Variants in PLCB1 observed in about 807,000 individuals in gnomAD.
PLCB1 encodes 1-phosphatidylinositol 4,5-bisphosphate phosphodiesterase beta-1.
Under a neutral mutation model 161.8 loss-of-function variants are expected in PLCB1, and 46 were observed. The ratio of observed to expected loss-of-function variants is 0.28; its 90% CI spans 0.22 to 0.36. The LOEUF (loss-of-function observed/expected upper bound fraction) is 0.36. Among genes scored for constraint, PLCB1 ranks in the 10% least tolerant of loss-of-function variants. PLCB1 has a pLI of 1.00. For missense variants in PLCB1, 1,016 were observed against 1,472.5 expected (o/e 0.69, Z 5.07); for synonymous variants, 517 against 503.7 (o/e 1.03, Z -0.35).
Position 8,229,538 on chromosome 20 carries a change from A to G in PLCB1, c.177+79167A>G, listed in dbSNP as rs576097272. On this transcript the variant is annotated intron_variant, in intron 2 of 31. Transcript: ENST00000338037. ...AATTCATTAAAAATTCAATTCCTCC[A>G]TTGCATTAGCCACATTTCAGGTATT... Among the ~76,000 whole-genome samples, 242 of 152,250 alleles carry G rather than the reference A, an allele frequency of 1.6e-3. 4 individuals are homozygous for G. Among genetic ancestry groups the G allele is most frequent in the African/African-American group, 5.5e-3 (230 of 41,560 alleles).
intron 2 of PLCB1, among the ~76,000 whole-genome samples, chr20:8,305,285 G>T (rs1443656171): frequency 1.3e-5 from 2 of 152,182 alleles, no homozygotes; most frequent in African/African-American, 2.4e-5. Flanking sequence ...CAAGCAAAAT[G>T]CATTGCTGCT....
At chr20:8,331,807 G>C (rs1023583627) in intron 2 of PLCB1, among the ~76,000 whole-genome samples, 2 of 152,182 alleles carry the variant, frequency 1.3e-5, no homozygotes, top group African/African-American at 4.8e-5. Flanking sequence ...CTTACTAACA[G>C]GTATTCTGTG....
intron 2 of PLCB1, among the ~76,000 whole-genome samples, chr20:8,203,901 T>C (rs1019166723): frequency 1.3e-5 from 2 of 152,142 alleles, no homozygotes; most frequent in African/African-American, 4.8e-5. Flanking sequence ...CAGTTGCCCA[T>C]AGTGAAGGAC....
At chr20:8,368,528 C>CAAAAAAA (rs1216338206) in intron 2 of PLCB1, among the ~76,000 whole-genome samples, 95 of 63,406 alleles carry the variant, frequency 1.5e-3, no homozygotes, top group African/African-American at 1.9e-3. Flanking sequence ...CTCTGTCTCT[C>CAAAAAAA]AAAAAAAAAA....
chr20:8,553,801 G>A (rs1400994787), intron 3 of PLCB1, among the ~76,000 whole-genome samples: 1 of 152,128 alleles, frequency 6.6e-6, no homozygotes, highest in Non-Finnish European at 1.5e-5. Context: ...AGGGGTTCAA[G>A]ACCATCCTAG....
At chr20:8,614,236 G>A (rs1031677625) in intron 3 of PLCB1, among the ~76,000 whole-genome samples, 3 of 152,012 alleles carry the variant, frequency 2.0e-5, no homozygotes, top group Non-Finnish European at 2.9e-5. Context: ...GATCTCACAT[G>A]CTGTAGGTAC....
In PLCB1 at chr20:8,258,786, G is replaced by GT. The variant is rs950454114; in HGVS notation, c.177+108424dup. Among the ~76,000 whole-genome samples the GT allele has an allele frequency of 2.1e-3, 321 of 150,992 alleles. 4 individuals are homozygous for GT. The highest frequency in any genetic ancestry group is 6.8e-3 in the Middle Eastern group (2 of 294). On this transcript the variant is annotated intron_variant, in intron 2 of 31. Coordinates refer to ENST00000338037, the MANE Select transcript of PLCB1 (RefSeq NM_015192.4). ...ATATGCACATTGTTAAGCCATGTGG[G>GT]TTTTTTTTTCTGTTTTTAAAATTTA...
chr20:8,763,522 A>G (rs963187972), intron 25 of PLCB1, among the ~76,000 whole-genome samples: 1 of 152,146 alleles, frequency 6.6e-6, no homozygotes, highest in Non-Finnish European at 1.5e-5. Context: ...AGCAGCTGGG[A>G]TTATAGGCAT....
At chr20:8,292,400 T>A (rs1296544401) in intron 2 of PLCB1, among the ~76,000 whole-genome samples, 7 of 152,094 alleles carry the variant, frequency 4.6e-5, no homozygotes, top group Non-Finnish European at 1.0e-4. Context: ...AAGAAAAGGG[T>A]CTCAAGAAGT....
chr20:8,251,672 C>T (rs1259994462), intron 2 of PLCB1, among the ~76,000 whole-genome samples: 2 of 151,864 alleles, frequency 1.3e-5, no homozygotes, highest in Non-Finnish European at 2.9e-5. Flanking sequence ...GGGCATGTGC[C>T]CCTTTTAGGA....
chr20:8,216,867 C>T (rs1355694004), intron 2 of PLCB1, among the ~76,000 whole-genome samples: 1 of 152,184 alleles, frequency 6.6e-6, no homozygotes, highest in Non-Finnish European at 1.5e-5. Context: ...CATTCAGAAC[C>T]CTGGGCAAAC....
chr20:8,349,780 T>C (rs1986121029), intron 2 of PLCB1, among the ~76,000 whole-genome samples: 1 of 152,002 alleles, frequency 6.6e-6, no homozygotes, highest in African/African-American at 2.4e-5. Flanking sequence ...TAAGACTAGG[T>C]AGAAGATCAA....
chr20:8,760,534 A>C, intron 25 of PLCB1, 74 bp downstream of exon 25: 2 of 993,888 alleles, frequency 2.0e-6, no homozygotes, highest in Non-Finnish European at 1.5e-6. Flanking sequence ...GAGGAGAGGA[A>C]ATTTCCATTC....
chr20:8,449,925 G>C (rs1457957448), intron 3 of PLCB1, among the ~76,000 whole-genome samples: 1 of 152,116 alleles, frequency 6.6e-6, no homozygotes, highest in Non-Finnish European at 1.5e-5. Flanking sequence ...CATACCATGG[G>C]GTTGATGGTC....
At chr20:8,254,271 C>T (rs186705565) in intron 2 of PLCB1, among the ~76,000 whole-genome samples, 263 of 152,020 alleles carry the variant, frequency 1.7e-3, no homozygotes, top group Admixed American at 2.8e-3. Context: ...TGAGGTGCTG[C>T]AAACCTCTTT....
chr20:8,755,961 G>T (rs1190783826), intron 23 of PLCB1, among the ~76,000 whole-genome samples: 1 of 152,224 alleles, frequency 6.6e-6, no homozygotes, highest in Non-Finnish European at 1.5e-5. Context: ...TTTGTGTAAA[G>T]TTGCTATGGC....
rs1250955575 is a variant in PLCB1 at position 8,492,648 on chromosome 20, T to A, written c.246+121198T>A. Among the ~76,000 whole-genome samples the A allele has an allele frequency of 2.6e-5, 4 of 152,094 alleles. No individual in the cohort carries two copies. The South Asian group carries it at 8.3e-4, about 32-fold the overall frequency. The stretch of plus-strand genomic sequence containing the variant: ...ATGGTGGGGTTGGGGCTGGTGGAAA[T>A]GATGCCTTTCTTCTGTGCCTAAGTG... On this transcript the variant is annotated intron_variant, in intron 3 of 31. Coordinates refer to ENST00000338037, the MANE Select transcript of PLCB1 (RefSeq NM_015192.4).
At position 8,274,039 on chromosome 20, in the gene PLCB1, G is replaced by A. The variant is rs73609722; in HGVS notation, c.178-97343G>A. 2.2e-3 allele frequency among the ~76,000 whole-genome samples: 330 copies of A among 152,262 alleles called. 3 individuals carry two copies. The highest frequency in any genetic ancestry group is 7.4e-3 in the African/African-American group (306 of 41,560). ...TCATACTGAAATTAGTAGAAGTGAT[G>A]AATGGAGGCAGAAGAAACTAGCTGG... On this transcript the variant is annotated intron_variant, in intron 2 of 31. Transcript: ENST00000338037.
intron 2 of PLCB1, among the ~76,000 whole-genome samples, chr20:8,160,718 C>A (rs1432141902): frequency 1.3e-5 from 2 of 152,138 alleles, no homozygotes; most frequent in African/African-American, 2.4e-5. Flanking sequence ...GGGGACACAG[C>A]CAAACCTATC....
Sources: gnomAD v4.1 joint callset for allele counts (sites outside exome capture counted in the v4.1 genomes callset) on GRCh38, gnomAD v4.1.1 for gene constraint, MANE v1.5 for transcripts, NCBI Gene and HGNC (gene_info 2026-07-23, HGNC 2026-07-21) for gene names.